Variants in FBXL13 observed in about 807,000 individuals in gnomAD.
The protein encoded by FBXL13 is F-box and leucine-rich repeat protein 13.
In FBXL13, 67 loss-of-function variants were observed where a neutral mutation model predicts 83.6. The observed-to-expected ratio is 0.80, with a 90% CI of 0.66 to 0.98. The LOEUF (loss-of-function observed/expected upper bound fraction) is 0.98. Ranked by LOEUF, FBXL13 falls within the 50% of genes least tolerant of loss-of-function variation. FBXL13 has a pLI of 0.00. For synonymous variants in FBXL13, 272 were observed against 299.5 expected, an observed-to-expected ratio of 0.91 and a Z score of 0.95; for missense variants, 822 against 866.5, an observed-to-expected ratio of 0.95 and a Z score of 0.64.
intron 1 of FBXL13, among the ~76,000 whole-genome samples, chr7:103,073,175 T>C (rs1371670596): frequency 2.6e-5 from 4 of 152,244 alleles, no homozygotes; most frequent in Admixed American, 1.3e-4. Context: ...CAGTTTGGCA[T>C]AGGTTCTATG....
intron 17 of FBXL13, among the ~76,000 whole-genome samples, chr7:102,841,298 T>C (rs996696279): frequency 6.6e-6 from 1 of 152,144 alleles, no homozygotes; most frequent in Non-Finnish European, 1.5e-5. Context: ...AAGGATAAAC[T>C]AATGTTCCAG....
intron 6 of FBXL13, among the ~76,000 whole-genome samples, chr7:102,979,929 T>C (rs1827976563): frequency 6.6e-6 from 1 of 152,220 alleles, no homozygotes; most frequent in African/African-American, 2.4e-5. Context: ...ATTTAAAATC[T>C]GCCTCTGAAT....
intron 6 of FBXL13, among the ~76,000 whole-genome samples, chr7:103,011,347 G>C (rs190156332): frequency 1.3e-5 from 2 of 152,060 alleles, no homozygotes; most frequent in Admixed American, 1.3e-4. Context: ...TTATAAGAAA[G>C]AAACAGGCCA....
At chr7:102,826,755 A>G (rs202050649) in intron 18 of FBXL13, among the ~76,000 whole-genome samples, 26,578 of 114,704 alleles carry the variant, frequency 0.23, 4,880 homozygotes, top group East Asian at 0.58. Context: ...ATATATATAT[A>G]TATATATATA....
intron 17 of FBXL13, among the ~76,000 whole-genome samples, chr7:102,848,406 A>T (rs1203829236): frequency 9.9e-6 from 1 of 100,662 alleles, no homozygotes; most frequent in Non-Finnish European, 1.8e-5. Context: ...AATACAAAAA[A>T]TTAGCCGGGC....
intron 2 of FBXL13, among the ~76,000 whole-genome samples, chr7:103,037,990 T>C (rs1425650521): frequency 6.6e-6 from 1 of 151,980 alleles, no homozygotes; most frequent in East Asian, 1.9e-4. Flanking sequence ...TGAAGCAGGG[T>C]AGGGCATCGC....
intron 6 of FBXL13, among the ~76,000 whole-genome samples, chr7:102,976,648 G>A (rs895766229): frequency 5.3e-5 from 8 of 151,372 alleles, no homozygotes; most frequent in African/African-American, 1.5e-4. Context: ...CCACACTCCC[G>A]TCCGTCCACA....
rs73408251 is a variant in FBXL13 at position 102,934,753 on chromosome 7, C to T, written c.725-2820G>A. The T allele has an allele frequency of 3.1e-3, 4,004 of 1,297,548 alleles. 78 individuals are homozygous for T. The African/African-American group carries it at 0.054, about 17-fold the overall frequency. 80.4% of individuals were successfully genotyped at this position (1,297,548 alleles called of 1,614,324 possible). On this transcript the variant is annotated intron_variant, in intron 8 of 19. Transcript: ENST00000313221. The stretch of plus-strand genomic sequence containing the variant: ...AATGCTCTTTGAATCTTATAATCCT[C>T]CCTACATCCCACCATGTCTTGGAAT...
intron 11 of FBXL13, among the ~76,000 whole-genome samples, chr7:102,884,715 G>A (rs1214523337): frequency 6.6e-6 from 1 of 152,044 alleles, no homozygotes; most frequent in Non-Finnish European, 1.5e-5. Flanking sequence ...ATAATGTTGT[G>A]CAACCAGCAC....
intron 6 of FBXL13, among the ~76,000 whole-genome samples, chr7:103,014,669 C>T (rs201428913): frequency 6.6e-6 from 1 of 151,942 alleles, no homozygotes. Flanking sequence ...CACGCCTGTA[C>T]TCCCAGCACT....
chr7:102,932,180 CT>C (rs2129473215), intron 8 of FBXL13, among the ~76,000 whole-genome samples: 1 of 152,236 alleles, frequency 6.6e-6, no homozygotes, highest in East Asian at 1.9e-4. Context: ...AAAAATATTA[CT>C]TTGGGAAAAA....
chr7:102,917,930 C>A (rs1247065027), intron 10 of FBXL13, among the ~76,000 whole-genome samples: 2 of 152,052 alleles, frequency 1.3e-5, no homozygotes, highest in African/African-American at 4.8e-5. Flanking sequence ...TTTAGGCAGC[C>A]CTCATTTTCA....
At chr7:102,976,572 T>C (rs1383912482) in intron 6 of FBXL13, among the ~76,000 whole-genome samples, 2 of 152,078 alleles carry the variant, frequency 1.3e-5, no homozygotes, top group Admixed American at 1.3e-4. Context: ...ATGCAACCTT[T>C]CCTTATCCCC....
chr7:103,009,363 G>C (rs557545894), intron 6 of FBXL13, among the ~76,000 whole-genome samples: 4 of 152,258 alleles, frequency 2.6e-5, no homozygotes, highest in African/African-American at 9.6e-5. Flanking sequence ...AGATTGCAGA[G>C]AGGAATGAAG....
chr7:103,074,712 A>G (rs1398424760), upstream of FBXL13: 5 of 1,289,768 alleles, frequency 3.9e-6, no homozygotes, highest in Non-Finnish European at 5.1e-6. Flanking sequence ...GACCTGAGGA[A>G]TGTAGTTCTC....
At chr7:102,891,413 T>A (rs1249298972) in intron 11 of FBXL13, among the ~76,000 whole-genome samples, 1 of 152,198 alleles carries the variant, frequency 6.6e-6, no homozygotes, top group African/African-American at 2.4e-5. Flanking sequence ...ATCCTCTGCC[T>A]TATATGACAG....
intron 6 of FBXL13, among the ~76,000 whole-genome samples, chr7:102,985,676 T>C (rs566741678): frequency 1.3e-5 from 2 of 152,280 alleles, no homozygotes; most frequent in East Asian, 1.9e-4. Flanking sequence ...TAACAGAAAC[T>C]GTTATGCTAA....
In FBXL13 at chr7:103,056,597, T is replaced by G. The variant is rs193220514; in HGVS notation, c.-104-850A>C. Among the ~76,000 whole-genome samples, 274 of 152,198 alleles carry G rather than the reference T, an allele frequency of 1.8e-3. 4 individuals carry two copies. The highest frequency in any genetic ancestry group is 0.016 in the Admixed American group (237 of 15,288). On this transcript the variant is annotated intron_variant, in intron 1 of 19. Transcript: ENST00000313221. The stretch of plus-strand genomic sequence containing the variant: ...TCTCAGCCTCCTGAGTAGTTGGGAT[T>G]AAGGCATCCACCACCACGCCTAGCT...
At chr7:102,826,779 A>G (rs1799800620) in intron 18 of FBXL13, among the ~76,000 whole-genome samples, 1 of 128,104 alleles carries the variant, frequency 7.8e-6, no homozygotes, top group Non-Finnish European at 1.6e-5. Context: ...ATATGTATAT[A>G]TATCTCTAAT....
Sources: gnomAD v4.1 joint callset for allele counts (sites outside exome capture counted in the v4.1 genomes callset) on GRCh38, gnomAD v4.1.1 for gene constraint, MANE v1.5 for transcripts, NCBI Gene and HGNC (gene_info 2026-07-23, HGNC 2026-07-21) for gene names.